The following FRMPD1 variants were observed in gnomAD, a reference collection of about 807,000 sequenced individuals.
FRMPD1 encodes FERM and PDZ domain containing 1, also known as FERM and PDZ domain-containing protein 1.
A neutral mutation model predicts 117.8 loss-of-function variants in FRMPD1; 76 were observed. The ratio of observed to expected loss-of-function variants is 0.65; its 90% confidence interval spans 0.54 to 0.78. The LOEUF (loss-of-function observed/expected upper bound fraction) is 0.78, where lower values mean the gene tolerates loss of function less well. FRMPD1 is among the 30% of genes least tolerant of loss of function. The pLI is 0.00. For missense variants in FRMPD1, 1,786 were observed against 1,964.5 expected, an observed-to-expected ratio of 0.91 and a Z score of 1.72; for synonymous variants, 783 against 770.4, an observed-to-expected ratio of 1.02 and a Z score of -0.27.
At chr9:37,719,808 G>T (rs1329544681) in intron 6 of FRMPD1, among the ~76,000 whole-genome samples, 1 of 152,190 alleles carries the variant, frequency 6.6e-6, no homozygotes. Context: ...GAGGGACCCA[G>T]GGTTGGGGGT....
At position 37,654,116 on chromosome 9, in the gene FRMPD1, G is replaced by A. The variant is rs568522219; in HGVS notation, c.-5+3022G>A. ...GCCAGAAAATTGTTCTAGGTGCCTC[G>A]AGAATACATCGGAACAAAAGGCAAG... On this transcript the variant is annotated intron_variant, in intron 1 of 15. Transcript: ENST00000377765. Among the ~76,000 whole-genome samples the A allele has an allele frequency of 7.2e-5, 11 of 152,278 alleles. No individual in the cohort carries two copies. In the South Asian group the frequency reaches 2.3e-3, roughly 32 times the overall value.
chr9:37,679,244 A>G (rs1821638098), intron 1 of FRMPD1, among the ~76,000 whole-genome samples: 1 of 152,210 alleles, frequency 6.6e-6, no homozygotes, highest in Non-Finnish European at 1.5e-5. Context: ...GCATTTGGGG[A>G]ACTGTAGTTT....
At chr9:37,730,888 T>G in intron 8 of FRMPD1, 96 bp from the exon 9 acceptor site, 1 of 1,248,984 alleles carries the variant, frequency 8.0e-7, no homozygotes, top group Non-Finnish European at 1.2e-6. Context: ...CTGGGAACTG[T>G]CTTTCACTGT....
chr9:37,713,634 A>G (rs555455622), intron 5 of FRMPD1, among the ~76,000 whole-genome samples: 2 of 152,048 alleles, frequency 1.3e-5, no homozygotes, highest in African/African-American at 4.8e-5. Flanking sequence ...ATATAGAGAG[A>G]CCTATATATA....
intron 1 of FRMPD1, among the ~76,000 whole-genome samples, chr9:37,655,976 C>G (rs1820831766): frequency 6.6e-6 from 1 of 152,192 alleles, no homozygotes; most frequent in African/African-American, 2.4e-5. Context: ...AGGGATTTCA[C>G]TGTTCCCTGA....
At chr9:37,734,286 C>T (rs1824023857) in intron 12 of FRMPD1, among the ~76,000 whole-genome samples, 1 of 151,938 alleles carries the variant, frequency 6.6e-6, no homozygotes, top group Non-Finnish European at 1.5e-5. Flanking sequence ...CACTCTGGAG[C>T]TTTGGGTATA....
intron 1 of FRMPD1, among the ~76,000 whole-genome samples, chr9:37,680,356 C>T (rs995561781): frequency 3.9e-5 from 6 of 152,124 alleles, no homozygotes; most frequent in Admixed American, 2.0e-4. Context: ...GAGTGCTTTT[C>T]GTTTAAATTG....
chr9:37,627,220 C>T, the FRMPD1 span, among the ~76,000 whole-genome samples: 1 of 152,258 alleles, frequency 6.6e-6, no homozygotes, highest in South Asian at 2.1e-4. Flanking sequence ...CAGAATTTCC[C>T]TCATCTTCCT....
At chr9:37,624,241 C>T in the FRMPD1 span, among the ~76,000 whole-genome samples, 1 of 152,216 alleles carries the variant, frequency 6.6e-6, no homozygotes, top group African/African-American at 2.4e-5. Context: ...CCCTATGTCT[C>T]TTAGTTACTG....
chr9:37,741,642 T>G (rs1404160240), intron 15 of FRMPD1, among the ~76,000 whole-genome samples: 4 of 152,184 alleles, frequency 2.6e-5, no homozygotes, highest in Non-Finnish European at 5.9e-5. Flanking sequence ...GCTCTCCCAC[T>G]GTTCTGGAGA....
the FRMPD1 span, among the ~76,000 whole-genome samples, chr9:37,609,753 A>G: frequency 0.15 from 22,769 of 152,046 alleles, 2,151 homozygotes; most frequent in Admixed American, 0.21. Context: ...TACAATGGCT[A>G]CAAAGGCTCC....
chr9:37,650,352 C>G (rs924559270), upstream of FRMPD1, among the ~76,000 whole-genome samples: 1 of 152,164 alleles, frequency 6.6e-6, no homozygotes, highest in Non-Finnish European at 1.5e-5. Flanking sequence ...TTGAGGAACC[C>G]TCAAGGAGAC....
chr9:37,651,903 G>A (rs916424746), intron 1 of FRMPD1, among the ~76,000 whole-genome samples: 1 of 152,226 alleles, frequency 6.6e-6, no homozygotes, highest in African/African-American at 2.4e-5. Context: ...TTGGGTGGAG[G>A]CAATATTTCA....
intron 7 of FRMPD1, among the ~76,000 whole-genome samples, chr9:37,727,466 C>T (rs1191298683): frequency 6.6e-6 from 1 of 152,104 alleles, no homozygotes; most frequent in Non-Finnish European, 1.5e-5. Flanking sequence ...AACCTTTGCT[C>T]TATGTGCAAG....
At chr9:37,695,568 G>A (rs1822291093) in intron 2 of FRMPD1, among the ~76,000 whole-genome samples, 2 of 152,110 alleles carry the variant, frequency 1.3e-5, no homozygotes, top group African/African-American at 4.8e-5. Context: ...CTTCTCATCT[G>A]TAATCTTTGG....
intron 1 of FRMPD1, among the ~76,000 whole-genome samples, chr9:37,678,251 C>CTTTTTTTTTTTTTTT (rs34040451): frequency 3.8e-5 from 3 of 79,822 alleles, no homozygotes; most frequent in East Asian, 5.9e-4. Flanking sequence ...GTACTTACCA[C>CTTTTTTTTTTTTTTT]TTTTTTTTTT....
At chr9:37,710,254 G>A (rs373674420) in intron 4 of FRMPD1, among the ~76,000 whole-genome samples, 1 of 152,172 alleles carries the variant, frequency 6.6e-6, no homozygotes, top group Non-Finnish European at 1.5e-5. Flanking sequence ...CTTGGGTTGA[G>A]TTTATCCTTT....
chr9:37,736,210 C>T (rs1341647764), intron 13 of FRMPD1, among the ~76,000 whole-genome samples: 1 of 151,798 alleles, frequency 6.6e-6, no homozygotes, highest in Non-Finnish European at 1.5e-5. Flanking sequence ...ACTGTGTTAG[C>T]CAGGATGGTC....
chr9:37,680,629 C>T, intron 1 of FRMPD1, among the ~76,000 whole-genome samples: 1 of 152,132 alleles, frequency 6.6e-6, no homozygotes, highest in East Asian at 1.9e-4. Context: ...TTTCCCACCT[C>T]CTGCATCTCC....
Sources: gnomAD v4.1 joint callset for allele counts (sites outside exome capture counted in the v4.1 genomes callset) on GRCh38, gnomAD v4.1.1 for gene constraint, MANE v1.5 for transcripts, NCBI Gene and HGNC (gene_info 2026-07-23, HGNC 2026-07-21) for gene names.